Variants in HORMAD1 observed in about 807,000 individuals in gnomAD.
The protein encoded by HORMAD1 is HORMA domain-containing protein 1.
In HORMAD1, 33 loss-of-function variants were observed where a neutral mutation model predicts 58.2. The ratio of observed to expected loss-of-function variants is 0.57; its 90% confidence interval spans 0.43 to 0.76. HORMAD1 has a LOEUF of 0.76. Ranked by LOEUF, HORMAD1 falls within the 30% of genes least tolerant of loss-of-function variation. The probability of loss-of-function intolerance (pLI) is 0.00; values close to 1 mark genes in which losing one functional copy is unlikely to be tolerated. For synonymous variants in HORMAD1, 137 were observed against 144.6 expected (o/e 0.95, Z 0.38); for missense variants, 363 against 462.0 (o/e 0.79, Z 1.96).
At chr1:150,705,219 C>A (rs1651657704) in intron 10 of HORMAD1, among the ~76,000 whole-genome samples, 1 of 151,656 alleles carries the variant, frequency 6.6e-6, no homozygotes, top group Non-Finnish European at 1.5e-5. Flanking sequence ...GCTTTAAGGA[C>A]AAATGATAAA....
chr1:150,720,304 C>T (rs1481520977), intron 1 of HORMAD1, among the ~76,000 whole-genome samples: 1 of 152,138 alleles, frequency 6.6e-6, no homozygotes, highest in Non-Finnish European at 1.5e-5. Flanking sequence ...CCTCGTGATC[C>T]GCCCGCCTCG....
At position 150,700,155 on chromosome 1, in the gene HORMAD1, G is replaced by A. The variant is rs753753049; in HGVS notation, c.1061C>T (p.Ser354Phe). ...TTGACTTCTCTTCCGATTTTCTTTG[G>A]AAGATTTTACTGGTTGATTTCCATT... is the stretch of plus-strand genomic sequence containing the variant. ...MANGNQPVKS[S>F]KENRKRSQHE... The change falls in exon 14 of 15, where the codon TCC (serine) becomes TTC (phenylalanine). Residue 354 changes from serine (S) to phenylalanine (F), a missense_variant. Physicochemically the swap from Ser to Phe is radical, Grantham distance 155. This residue lies in a region of HORMAD1 where 226 missense variants were observed against 257.8 expected (regional missense o/e 0.88). Transcript: ENST00000361824. 6.3e-7 allele frequency: 1 copy of A among 1,583,708 alleles called. No homozygotes were observed. The highest frequency in any genetic ancestry group is 1.3e-5 in the African/African-American group (1 of 74,274).
chr1:150,706,905 A>G (rs1317682248), intron 9 of HORMAD1, 96 bp from the exon 10 acceptor site: 4 of 1,047,210 alleles, frequency 3.8e-6, no homozygotes, highest in Non-Finnish European at 5.4e-6. Context: ...TATTTCAAAT[A>G]GTATATAAGG....
rs764157757 is a variant in HORMAD1 at position 150,704,359 on chromosome 1, A to G, written c.805-16T>C. 24 of 1,505,424 alleles carry G rather than the reference A, an allele frequency of 1.6e-5. No homozygotes were observed. Among genetic ancestry groups the G allele is most frequent in the Non-Finnish European group, 2.2e-5 (24 of 1,111,868 alleles). 93.3% of individuals were successfully genotyped at this position (1,505,424 alleles called of 1,614,324 possible). A position where few individuals can be genotyped will look rare whatever the true frequency, so the allele number is the denominator to read the frequency against. Reference sequence around the variant, plus strand: ...CCAAATCATCCTACATAATTATGTGAAGAAAAAAATTGACACATTTCAAAA... The same window carrying G: ...CCAAATCATCCTACATAATTATGTGGAGAAAAAAATTGACACATTTCAAAA... On this transcript the variant is annotated splice_polypyrimidine_tract_variant and intron_variant, in intron 10 of 14. Transcript: ENST00000361824.
In HORMAD1 at chr1:150,713,290, A is replaced by G. The variant is rs915826364; in HGVS notation, c.279+795T>C. 2.0e-4 allele frequency among the ~76,000 whole-genome samples: 31 copies of G among 152,200 alleles called. 1 individual carries two copies. Among genetic ancestry groups the G allele is most frequent in the South Asian group, 8.3e-4 (4 of 4,834 alleles). ...TAACTACTTGTTTTCCTACTTTACA[A>G]GGGACCTTTTTTGTTTTGTTGATCA... On this transcript the variant is annotated intron_variant, in intron 5 of 14. Transcript: ENST00000361824.
At position 150,698,594 on chromosome 1, in the gene HORMAD1, AG is replaced by A; in HGVS notation, c.*59del. ...CTTCAGAGTTAGGGAAATATAATAT[AG>A]GGTCCTTCAGTTTAAATGGTGAGAA... On this transcript the variant is annotated 3_prime_UTR_variant, in exon 15 of 15. Coordinates refer to ENST00000361824, the MANE Select transcript of HORMAD1 (RefSeq NM_032132.5). The A allele has an allele frequency of 1.2e-6, 1 of 853,680 alleles. No individual in the cohort carries two copies. The highest frequency in any genetic ancestry group is 1.9e-6 in the Non-Finnish European group (1 of 519,594). 52.9% of individuals were successfully genotyped at this position (853,680 alleles called of 1,614,324 possible).
rs1346701330 is a variant in HORMAD1, at chr1:150,698,620, A to G, written c.*34T>C. The G allele has an allele frequency of 4.4e-5, 49 of 1,103,392 alleles. No individual in the cohort carries two copies. The East Asian group carries it at 1.1e-3, about 26-fold the overall frequency. 68.4% of individuals were successfully genotyped at this position (1,103,392 alleles called of 1,614,324 possible). On this transcript the variant is annotated 3_prime_UTR_variant, in exon 15 of 15. Coordinates refer to ENST00000361824, the MANE Select transcript of HORMAD1 (RefSeq NM_032132.5). Reference sequence around the variant, plus strand: ...GGGTCCTTCAGTTTAAATGGTGAGAAGAACTCTGCAAGCCTGCAGAACAAA... The same window carrying G: ...GGGTCCTTCAGTTTAAATGGTGAGAGGAACTCTGCAAGCCTGCAGAACAAA...
At chr1:150,714,757 T>C in intron 3 of HORMAD1, 79 bp from the exon 4 acceptor site, 2 of 624,200 alleles carry the variant, frequency 3.2e-6, no homozygotes, top group Non-Finnish European at 2.7e-6. Context: ...TTTATTTTCT[T>C]CTGCTGTGTA....
At chr1:150,710,654 T>A (rs587694944) in intron 7 of HORMAD1, among the ~76,000 whole-genome samples, 1 of 152,340 alleles carries the variant, frequency 6.6e-6, no homozygotes, top group South Asian at 2.1e-4. Context: ...CATGGATACA[T>A]ATTAAGCATT....
At chr1:150,701,226 C>G (rs1449735381) in intron 13 of HORMAD1, among the ~76,000 whole-genome samples, 1 of 152,128 alleles carries the variant, frequency 6.6e-6, no homozygotes, top group Non-Finnish European at 1.5e-5. Context: ...TTTTAAAATG[C>G]TGGTCTCTAT....
chr1:150,703,308 A>C lies in HORMAD1; in HGVS notation c.1032+2T>G, dbSNP rs1256805876. The C allele has an allele frequency of 6.8e-7, 1 of 1,461,352 alleles. No homozygotes were observed. The allele number at this position is 1,461,352 out of a possible 1,614,324, so 90.5% of individuals were successfully genotyped here. A position where few individuals can be genotyped will look rare whatever the true frequency, so the allele number is the denominator to read the frequency against. Reference sequence around the variant, plus strand: ...GGAAAACAAACCTAAAGAGATATTTACCATTTTATTCTGAAAGACTTTTCC... The same window carrying C: ...GGAAAACAAACCTAAAGAGATATTTCCCATTTTATTCTGAAAGACTTTTCC... On this transcript the variant is annotated splice_donor_variant, in intron 13 of 14. Transcript: ENST00000361824. LOFTEE classifies it high-confidence loss of function.
Position 150,703,334 on chromosome 1 carries a change from A to G in HORMAD1, c.1008T>C (p.Ser336=). Residue 336 remains serine, a synonymous_variant, in exon 13 of 15, where the codon AGT becomes AGC. Transcript: ENST00000361824. The part of the protein sequence containing the change: ...ELDMSESKTR[S]GKVFQNKMAN... ...CCATTTTATTCTGAAAGACTTTTCC[A>G]CTTCTTGTTTTGCTTTCAGACATAT... 2 of 1,576,236 alleles carry G rather than the reference A, an allele frequency of 1.3e-6. No individual in the cohort carries two copies. Among genetic ancestry groups the G allele is most frequent in the South Asian group, 2.3e-5 (2 of 87,476 alleles).
chr1:150,710,744 T>A (rs587734336), intron 7 of HORMAD1, among the ~76,000 whole-genome samples: 1 of 152,360 alleles, frequency 6.6e-6, no homozygotes, highest in South Asian at 2.1e-4. Flanking sequence ...TTTCTTTATA[T>A]TTCATTGCTT....
chr1:150,712,880 A>T (rs1460149894), intron 5 of HORMAD1, among the ~76,000 whole-genome samples: 1 of 152,188 alleles, frequency 6.6e-6, no homozygotes, highest in Non-Finnish European at 1.5e-5. Flanking sequence ...CAAATATTAC[A>T]TTTCTATGTA....
In HORMAD1 at chr1:150,719,517, A is replaced by G; in HGVS notation, c.-12T>C. 6.3e-7 allele frequency: 1 copy of G among 1,576,676 alleles called. No homozygotes were observed. The highest frequency in any genetic ancestry group is 1.7e-4 in the Middle Eastern group (1 of 5,962). ...TGGGCAGTGGCCATCTTCTTCTGATAAAGTATTTTCTTTAATTCAACCTTG... is the reference window on the plus strand; with the variant it reads ...TGGGCAGTGGCCATCTTCTTCTGATGAAGTATTTTCTTTAATTCAACCTTG... On this transcript the variant is annotated 5_prime_UTR_variant, in exon 2 of 15. Transcript: ENST00000361824.
chr1:150,713,236 A>C (rs766658081), intron 5 of HORMAD1, among the ~76,000 whole-genome samples: 1 of 152,198 alleles, frequency 6.6e-6, no homozygotes, highest in African/African-American at 2.4e-5. Context: ...GCAATTTAAC[A>C]TTATTGAAAA....
At chr1:150,702,203 C>T (rs1651556114) in intron 13 of HORMAD1, among the ~76,000 whole-genome samples, 1 of 152,188 alleles carries the variant, frequency 6.6e-6, no homozygotes, top group Admixed American at 6.5e-5. Context: ...TAGAGAAATG[C>T]AAATCAAAAC....
At chr1:150,709,079 C>T (rs1651780653) in intron 7 of HORMAD1, 118 bp from the exon 8 acceptor site, 1 of 638,814 alleles carries the variant, frequency 1.6e-6, no homozygotes, top group Admixed American at 2.5e-5. Context: ...ATATTAATCC[C>T]TATTGATCCA....
intron 9 of HORMAD1, 137 bp downstream of exon 9, chr1:150,708,119 C>G (rs909672577): frequency 1.7e-6 from 1 of 574,708 alleles, no homozygotes; most frequent in East Asian, 3.1e-5. Context: ...ATCTTTCTTT[C>G]TTGAATAGTG....
Sources: allele counts gnomAD v4.1 joint callset (sites outside exome capture counted in the v4.1 genomes callset), GRCh38; gene constraint gnomAD v4.1.1; regional missense constraint gnomAD v4.1.1; transcripts MANE v1.5; gene names NCBI Gene and HGNC (gene_info 2026-07-23, HGNC 2026-07-21).